AGBL3: variants seen among roughly 807,000 people sequenced by gnomAD.
AGBL3 encodes the protein AGBL carboxypeptidase 3.
In AGBL3, 68 loss-of-function variants were observed where a neutral mutation model predicts 94.5. That is an observed-to-expected ratio of 0.72 (90% CI 0.59 to 0.88). AGBL3 has a LOEUF of 0.88. Ranked by LOEUF, AGBL3 falls within the 40% of genes least tolerant of loss-of-function variation. The pLI is 0.00. For missense variants in AGBL3, 934 were observed against 1,103.8 expected (o/e 0.85, Z 2.18); for synonymous variants, 354 against 370.7 (o/e 0.95, Z 0.52).
At chr7:135,043,937 A>G (rs1817110572) in intron 8 of AGBL3, 88 bp from the exon 9 acceptor site, 3 of 1,451,568 alleles carry the variant, frequency 2.1e-6, no homozygotes, top group Admixed American at 4.7e-5. Flanking sequence ...TAGACTTTGC[A>G]TAACCACTTT....
chr7:135,019,206 C>T (rs967390568), intron 5 of AGBL3, among the ~76,000 whole-genome samples: 3 of 152,312 alleles, frequency 2.0e-5, no homozygotes, highest in Middle Eastern at 3.4e-3. Flanking sequence ...AACTATACCA[C>T]ACTTTGTCTT....
chr7:135,128,656 AGGAAGAGACCCTAGTATACCT>A (rs1354872048), intron 16 of AGBL3: 5 of 1,028,966 alleles, frequency 4.9e-6, no homozygotes, highest in Non-Finnish European at 4.6e-6. Flanking sequence ...CAATTTCTTA[AGGAAGAGACCCTAGTATACCT>A]GAATATTGTC....
At chr7:135,098,322 C>T (rs768102423) in intron 15 of AGBL3, among the ~76,000 whole-genome samples, 1 of 152,152 alleles carries the variant, frequency 6.6e-6, no homozygotes, top group Non-Finnish European at 1.5e-5. Flanking sequence ...ATAACCTATG[C>T]ATATCCTCCA....
rs890001515 is a variant in AGBL3, at chr7:135,123,679, A to G, written c.2342+8068A>G. 7.2e-5 allele frequency among the ~76,000 whole-genome samples: 11 copies of G among 152,188 alleles called. No individual in the cohort carries two copies. In the East Asian group the frequency reaches 2.1e-3, roughly 29 times the overall value. On this transcript the variant is annotated intron_variant, in intron 16 of 16. Transcript: ENST00000436302. ...TCATCTACAAAGGGAAGCCCATCAG[A>G]CTAACAGCGGCCCTCTCAGCAGAAA...
At chr7:135,121,299 A>C (rs1365628603) in intron 16 of AGBL3, among the ~76,000 whole-genome samples, 1 of 152,230 alleles carries the variant, frequency 6.6e-6, no homozygotes, top group Non-Finnish European at 1.5e-5. Flanking sequence ...CAATTGTTTC[A>C]ATAATTAGAA....
At chr7:135,100,413 T>C (rs1440098889) in intron 15 of AGBL3, among the ~76,000 whole-genome samples, 3 of 152,190 alleles carry the variant, frequency 2.0e-5, no homozygotes, top group Non-Finnish European at 4.4e-5. Context: ...CTATCACCCT[T>C]GGCAAGTTTC....
chr7:135,084,069 A>G (rs1258153707), intron 15 of AGBL3, among the ~76,000 whole-genome samples: 1 of 152,100 alleles, frequency 6.6e-6, no homozygotes, highest in Non-Finnish European at 1.5e-5. Context: ...TTTTCTTTCA[A>G]TAATGGTCTA....
chr7:135,134,553 G>A (rs1282098189), intron 16 of AGBL3, among the ~76,000 whole-genome samples: 1 of 151,952 alleles, frequency 6.6e-6, no homozygotes, highest in Admixed American at 6.6e-5. Flanking sequence ...TAGATATATA[G>A]GTAAGGAGCT....
chr7:135,033,139 A>G (rs1815948926), intron 6 of AGBL3, among the ~76,000 whole-genome samples, 157 bp downstream of exon 6: 2 of 152,170 alleles, frequency 1.3e-5, no homozygotes, highest in Non-Finnish European at 2.9e-5. Context: ...GGGGAGTATA[A>G]AAGATTCTGA....
Position 135,034,525 on chromosome 7 carries a change from G to T in AGBL3, c.934G>T (p.Gly312Cys). The T allele has an allele frequency of 6.4e-7, 1 of 1,551,898 alleles. No homozygotes were observed. The highest frequency in any genetic ancestry group is 8.7e-7 in the Non-Finnish European group (1 of 1,147,034). Reference sequence around the variant, plus strand: ...CACCAACCTGCAAGAATACCTTTCTGGCATCAATAATGATCCAGTACGGTC... The same window carrying T: ...CACCAACCTGCAAGAATACCTTTCTTGCATCAATAATGATCCAGTACGGTC... ...TYTNLQEYLS[G>C]INNDPVRSKF... Residue 312 changes from glycine to cysteine, a missense_variant, in exon 7 of 17, where the codon GGC becomes TGC. Coordinates refer to ENST00000436302, the MANE Select transcript of AGBL3 (RefSeq NM_178563.4).
intron 3 of AGBL3, among the ~76,000 whole-genome samples, chr7:134,990,865 G>T (rs1321065957): frequency 6.6e-6 from 1 of 152,078 alleles, no homozygotes; most frequent in Non-Finnish European, 1.5e-5. Flanking sequence ...ATTGCCTTTT[G>T]CCCTGAGAAC....
intron 8 of AGBL3, among the ~76,000 whole-genome samples, chr7:135,038,091 T>C (rs555059002): frequency 1.3e-5 from 2 of 152,242 alleles, no homozygotes; most frequent in Middle Eastern, 3.4e-3. Context: ...TATGGAAATA[T>C]TGGAGCCTCA....
At chr7:135,071,234 A>G (rs1443763825) in intron 12 of AGBL3, among the ~76,000 whole-genome samples, 3 of 152,100 alleles carry the variant, frequency 2.0e-5, no homozygotes, top group African/African-American at 7.2e-5. Context: ...GATACAAACA[A>G]TGGAAGAACA....
chr7:135,134,670 A>AT (rs1829232601), intron 16 of AGBL3, among the ~76,000 whole-genome samples, 171 bp from the exon 17 acceptor site: 1 of 152,104 alleles, frequency 6.6e-6, no homozygotes, highest in Admixed American at 6.6e-5. Flanking sequence ...AGTGCTAAAA[A>AT]AAAAATCATG....
chr7:135,058,275 A>T (rs1818510601), intron 11 of AGBL3, among the ~76,000 whole-genome samples: 1 of 152,120 alleles, frequency 6.6e-6, no homozygotes, highest in African/African-American at 2.4e-5. Flanking sequence ...AAATTATATT[A>T]ATTTTAAAAT....
At position 135,115,378 on chromosome 7, in the gene AGBL3, A is replaced by C; in HGVS notation, c.2111-2A>C. The C allele has an allele frequency of 6.5e-7, 1 of 1,543,934 alleles. No individual in the cohort carries two copies. The highest frequency in any genetic ancestry group is 8.8e-7 in the Non-Finnish European group (1 of 1,141,408). On this transcript the variant is annotated splice_acceptor_variant, in intron 15 of 16. Coordinates refer to ENST00000436302, the MANE Select transcript of AGBL3 (RefSeq NM_178563.4). LOFTEE classifies it high-confidence loss of function. ...GTACATATTTTTGTGGTTGCTCCCC[A>C]GATCTGCACCACAACTTAAAAAGCA... is the stretch of plus-strand genomic sequence containing the variant.
At chr7:135,061,836 G>A (rs1818861361) in intron 12 of AGBL3, among the ~76,000 whole-genome samples, 1 of 151,998 alleles carries the variant, frequency 6.6e-6, no homozygotes, top group African/African-American at 2.4e-5. Context: ...GTTTGTTCAT[G>A]TAGCTCAAGA....
chr7:135,114,421 T>A (rs1050939641), intron 15 of AGBL3, among the ~76,000 whole-genome samples: 3 of 152,224 alleles, frequency 2.0e-5, no homozygotes, highest in Non-Finnish European at 4.4e-5. Flanking sequence ...AAACATTTTT[T>A]AAAATGTTAT....
At chr7:135,072,879 G>A (rs369097100) in intron 12 of AGBL3, among the ~76,000 whole-genome samples, 6 of 151,538 alleles carry the variant, frequency 4.0e-5, no homozygotes, top group South Asian at 4.2e-4. Context: ...AAACCTTCAC[G>A]TTGTGCATAT....
Sources: gnomAD v4.1 joint callset for allele counts (sites outside exome capture counted in the v4.1 genomes callset) on GRCh38, gnomAD v4.1.1 for gene constraint, MANE v1.5 for transcripts, NCBI Gene and HGNC (gene_info 2026-07-23, HGNC 2026-07-21) for gene names.